CCDC192: variants seen among roughly 807,000 people sequenced by gnomAD.
CCDC192 encodes the protein coiled-coil domain containing 192.
At chr5:127,745,112 C>T (rs1392960510) in intron 2 of CCDC192, among the ~76,000 whole-genome samples, 7 of 152,194 alleles carry the variant, frequency 4.6e-5, no homozygotes, top group Non-Finnish European at 1.0e-4. Flanking sequence ...ATTTATCAGG[C>T]TCCTACTTAC....
chr5:127,895,948 T>A (rs1752868556), intron 6 of CCDC192, among the ~76,000 whole-genome samples: 1 of 152,220 alleles, frequency 6.6e-6, no homozygotes, highest in Non-Finnish European at 1.5e-5. Context: ...ATTGGTTTCG[T>A]ATAATTTTTT....
chr5:127,798,916 T>A (rs1288176018), intron 5 of CCDC192, among the ~76,000 whole-genome samples: 1 of 152,068 alleles, frequency 6.6e-6, no homozygotes, highest in African/African-American at 2.4e-5. Flanking sequence ...GAACAACACA[T>A]AAGCATCTCC....
At chr5:127,875,726 G>A (rs538878251) in intron 6 of CCDC192, 65 bp downstream of exon 6, 4 of 397,360 alleles carry the variant, frequency 1.0e-5, no homozygotes, top group African/African-American at 8.2e-5. Flanking sequence ...TAGTTGTATT[G>A]GCAACGAAGC....
Position 127,897,352 on chromosome 5 carries a change from G to A in CCDC192, c.535+21691G>A, listed in dbSNP as rs139743892. Among the ~76,000 whole-genome samples, 427 of 151,804 alleles carry A rather than the reference G, an allele frequency of 2.8e-3. 1 individual carries two copies. Among genetic ancestry groups the A allele is most frequent in the African/African-American group, 9.9e-3 (408 of 41,402 alleles). On this transcript the variant is annotated intron_variant, in intron 6 of 6. Coordinates refer to ENST00000514853, the MANE Select transcript of CCDC192 (RefSeq NM_001317938.2). Reference sequence around the variant, plus strand: ...TATGCCAAAAAGGGATATGATGTCTGTCCACAATTAATTCATACTGAAACA... The same window carrying A: ...TATGCCAAAAAGGGATATGATGTCTATCCACAATTAATTCATACTGAAACA...
chr5:127,779,526 A>T (rs1331140056), intron 3 of CCDC192, among the ~76,000 whole-genome samples: 1 of 151,782 alleles, frequency 6.6e-6, no homozygotes, highest in Non-Finnish European at 1.5e-5. Context: ...CGATCTCCTG[A>T]CCCTGTGATC....
chr5:127,868,487 A>C (rs1268258343), intron 5 of CCDC192, among the ~76,000 whole-genome samples: 1 of 152,236 alleles, frequency 6.6e-6, no homozygotes, highest in Admixed American at 6.5e-5. Context: ...TGATGATTCC[A>C]TCTGACTCTA....
chr5:127,792,782 GGAA>G lies in CCDC192; in HGVS notation c.223-4307_223-4305del, dbSNP rs1415950467. ...GACAAGAAAGAGGAGGAGGAGAAGA[GGAA>G]GAAGAAGAAGAAGGAGGAGGAGAAG... On this transcript the variant is annotated intron_variant, in intron 3 of 6. Transcript: ENST00000514853. Among the ~76,000 whole-genome samples, 462 of 142,498 alleles carry G rather than the reference GGAA, an allele frequency of 3.2e-3. 1 individual carries two copies. The highest frequency in any genetic ancestry group is 0.011 in the African/African-American group (407 of 37,782). 93.5% of individuals were successfully genotyped at this position (142,498 alleles called of 152,430 possible).
At chr5:127,849,618 G>T (rs77747974) in intron 5 of CCDC192, among the ~76,000 whole-genome samples, 2 of 152,292 alleles carry the variant, frequency 1.3e-5, no homozygotes, top group African/African-American at 4.8e-5. Context: ...CCTAAAGCCT[G>T]TAAAAGGAAA....
chr5:127,763,875 A>T lies in CCDC192; in HGVS notation c.222+9500A>T, dbSNP rs72790364. Among the ~76,000 whole-genome samples the T allele has an allele frequency of 7.1e-3, 1,084 of 152,146 alleles. 11 individuals carry two copies. Among genetic ancestry groups the T allele is most frequent in the Non-Finnish European group, 0.012 (815 of 67,992 alleles). On this transcript the variant is annotated intron_variant, in intron 3 of 6. Coordinates refer to ENST00000514853, the MANE Select transcript of CCDC192 (RefSeq NM_001317938.2). ...TATCGCCTTACTCATTATCCAAAGA[A>T]CCCCAAGAGACTTCTTTTCAGATCC...
rs181374851 is a variant in CCDC192, at chr5:127,850,694, G to A, written c.412-24844G>A. ...TCCAAAGCAGCAGAGGGCCAGGTGCGGTGGCTCAAGCCTGTAATCCCAGCA... is the reference window on the plus strand; with the variant it reads ...TCCAAAGCAGCAGAGGGCCAGGTGCAGTGGCTCAAGCCTGTAATCCCAGCA... On this transcript the variant is annotated intron_variant, in intron 5 of 6. Coordinates refer to ENST00000514853, the MANE Select transcript of CCDC192 (RefSeq NM_001317938.2). Among the ~76,000 whole-genome samples the A allele has an allele frequency of 2.4e-3, 362 of 152,178 alleles. 1 individual carries two copies. The highest frequency in any genetic ancestry group is 8.0e-3 in the African/African-American group (332 of 41,534).
chr5:127,756,037 G>T (rs138196057), intron 3 of CCDC192, among the ~76,000 whole-genome samples: 1,936 of 152,012 alleles, frequency 0.013, 35 homozygotes, highest in African/African-American at 0.044. Flanking sequence ...GGAGGCTGAG[G>T]CAGGAGAATG....
chr5:127,866,629 T>C (rs143822399), intron 5 of CCDC192, among the ~76,000 whole-genome samples: 15 of 151,958 alleles, frequency 9.9e-5, no homozygotes, highest in East Asian at 7.7e-4. Flanking sequence ...AGAATAAAGA[T>C]TCTAAAGTAT....
intron 6 of CCDC192, among the ~76,000 whole-genome samples, chr5:127,936,051 C>T (rs1225594133): frequency 6.6e-6 from 1 of 152,202 alleles, no homozygotes; most frequent in East Asian, 1.9e-4. Flanking sequence ...TTGTGGTGAG[C>T]CAAGATCGCA....
chr5:127,760,779 G>A (rs1754875841), intron 3 of CCDC192, among the ~76,000 whole-genome samples: 1 of 149,334 alleles, frequency 6.7e-6, no homozygotes, highest in South Asian at 2.1e-4. Flanking sequence ...CCGTGTTATA[G>A]TTTGCAGAGA....
At chr5:127,828,797 A>G (rs757867293) in intron 5 of CCDC192, among the ~76,000 whole-genome samples, 4 of 152,250 alleles carry the variant, frequency 2.6e-5, no homozygotes, top group Non-Finnish European at 4.4e-5. Context: ...TAGTCCCTTG[A>G]AAAGGAATAA....
intron 5 of CCDC192, among the ~76,000 whole-genome samples, chr5:127,860,765 C>G (rs1329282740): frequency 6.6e-6 from 1 of 152,132 alleles, no homozygotes; most frequent in Non-Finnish European, 1.5e-5. Flanking sequence ...TCCCATTAAG[C>G]CTTTTCAGAT....
intron 2 of CCDC192, among the ~76,000 whole-genome samples, chr5:127,749,015 C>T (rs1328334350): frequency 6.6e-6 from 1 of 152,188 alleles, no homozygotes; most frequent in Non-Finnish European, 1.5e-5. Flanking sequence ...TGGGCTGAGA[C>T]AATGGGGTTC....
chr5:127,789,330 A>T (rs1756736979), intron 3 of CCDC192, among the ~76,000 whole-genome samples: 1 of 152,214 alleles, frequency 6.6e-6, no homozygotes, highest in Non-Finnish European at 1.5e-5. Flanking sequence ...ATTCGAGAAG[A>T]CATAAATAAT....
intron 2 of CCDC192, among the ~76,000 whole-genome samples, chr5:127,722,085 T>C (rs548197706): frequency 3.3e-5 from 5 of 152,252 alleles, no homozygotes; most frequent in African/African-American, 1.2e-4. Flanking sequence ...CCACCAACAG[T>C]GTATGAGGGT....
Sources: allele counts gnomAD v4.1 joint callset (sites outside exome capture counted in the v4.1 genomes callset), GRCh38; gene constraint gnomAD v4.1.1; transcripts MANE v1.5; gene names NCBI Gene and HGNC (gene_info 2026-07-23, HGNC 2026-07-21).